Variants in CCDC187 observed in about 807,000 individuals in gnomAD.
CCDC187 encodes coiled-coil domain containing 187.
In CCDC187, 32 loss-of-function variants were observed where a neutral mutation model predicts 38.0. The observed-to-expected ratio is 0.84, with a 90% CI of 0.64 to 1.13. The LOEUF is 1.13. CCDC187 is among the 50% of genes most tolerant of loss of function. The pLI is 0.00. For synonymous variants in CCDC187, 333 were observed against 347.9 expected (o/e 0.96, Z 0.48); for missense variants, 707 against 786.8 (o/e 0.90, Z 1.21).
At chr9:136,270,057 A>G (rs1228785510) in intron 14 of CCDC187, among the ~76,000 whole-genome samples, 1 of 152,264 alleles carries the variant, frequency 6.6e-6, no homozygotes, top group Admixed American at 6.5e-5. Flanking sequence ...CAGAGAAGAA[A>G]AAAGAATAAA....
chr9:136,251,593 CT>C lies in CCDC187; in HGVS notation c.*2000del. Reference sequence around the variant, plus strand: ...ACCAGTCAGGCCCACCCCAGCTCTTCTTTTCCCCAGATGTTCTCTCTTCCTC... The same window carrying C: ...ACCAGTCAGGCCCACCCCAGCTCTTCTTTCCCCAGATGTTCTCTCTTCCTC... On this transcript the variant is annotated 3_prime_UTR_variant, in exon 26 of 26. Coordinates refer to ENST00000638797, the MANE Select transcript of CCDC187 (RefSeq NM_001378188.1). 1 of 158,138 alleles carries C rather than the reference CT, an allele frequency of 6.3e-6. No individual in the cohort carries two copies. The highest frequency in any genetic ancestry group is 1.4e-5 in the Non-Finnish European group (1 of 71,064). The allele number at this position is 158,138 out of a possible 1,614,324, so 9.8% of individuals were successfully genotyped here.
chr9:136,284,726 T>G (rs1831131571), intron 9 of CCDC187, among the ~76,000 whole-genome samples: 5 of 141,644 alleles, frequency 3.5e-5, no homozygotes, highest in East Asian at 2.3e-4. Flanking sequence ...GGGGGGCAGG[T>G]GTGGAGGGGG....
At chr9:136,305,112 C>T (rs1018791707), upstream of CCDC187, among the ~76,000 whole-genome samples, 30 of 152,322 alleles carry the variant, frequency 2.0e-4, 1 homozygote, top group African/African-American at 7.2e-4. Context: ...CCAGCAGCCT[C>T]GGAGGGGAGG....
chr9:136,259,128 G>T, intron 21 of CCDC187, 127 bp from the exon 22 acceptor site: 1 of 741,354 alleles, frequency 1.3e-6, no homozygotes. Context: ...AGCCGGGGGC[G>T]GACAGGGACA....
rs1179698261 is a variant in CCDC187, at chr9:136,264,824, CA to C, written c.3736-1027del. On this transcript the variant is annotated intron_variant, in intron 17 of 25. Transcript: ENST00000638797. This position sits in a 1 kb window ranked among gnomAD's most constrained non-coding sequence, Gnocchi z 4.3. ...AGGCTGGAGTGCAGTGGTGCAAGCT[CA>C]GCTCACTGCAGCCTTGACCTCCCAA... is the stretch of plus-strand genomic sequence containing the variant. Among the ~76,000 whole-genome samples, 3 of 151,978 alleles carry C rather than the reference CA, an allele frequency of 2.0e-5. No individual in the cohort carries two copies. Among genetic ancestry groups the C allele is most frequent in the South Asian group, 4.1e-4 (2 of 4,828 alleles).
At chr9:136,263,861 A>G in intron 17 of CCDC187, 63 bp from the exon 18 acceptor site, 1 of 971,240 alleles carries the variant, frequency 1.0e-6, no homozygotes, top group Non-Finnish European at 1.2e-6. Flanking sequence ...AAAGGCCAAC[A>G]AAAGGGAAGG....
intron 2 of CCDC187, among the ~76,000 whole-genome samples, 151 bp downstream of exon 2, chr9:136,302,661 C>A (rs1278530947): frequency 2.0e-5 from 3 of 152,190 alleles, no homozygotes; most frequent in African/African-American, 7.2e-5. Flanking sequence ...AGAAGCACCC[C>A]TTCATGACTC....
At chr9:136,272,822 C>T (rs1002263206) in intron 14 of CCDC187, among the ~76,000 whole-genome samples, 1 of 151,430 alleles carries the variant, frequency 6.6e-6, no homozygotes, top group Admixed American at 6.6e-5. Context: ...TGCAGTGAGC[C>T]GAGATCTCAC....
upstream of CCDC187, among the ~76,000 whole-genome samples, chr9:136,304,977 G>A (rs1831776875): frequency 3.3e-5 from 5 of 152,324 alleles, no homozygotes; most frequent in South Asian, 8.3e-4. Context: ...CCAGGCAAAC[G>A]CCTGGAGACA....
chr9:136,270,451 A>G (rs914771070), intron 14 of CCDC187, among the ~76,000 whole-genome samples: 6 of 152,222 alleles, frequency 3.9e-5, no homozygotes, highest in East Asian at 1.9e-4. Context: ...GGCAGCATAC[A>G]TCAGCGTTTT....
intron 14 of CCDC187, among the ~76,000 whole-genome samples, chr9:136,272,537 T>C (rs1197857348): frequency 1.3e-5 from 2 of 152,004 alleles, no homozygotes; most frequent in Non-Finnish European, 2.9e-5. Context: ...ACCCCGTCTC[T>C]ACTAAAAATA....
chr9:136,306,721 TG>T, upstream of CCDC187: 1 of 152,848 alleles, frequency 6.5e-6, no homozygotes, highest in Non-Finnish European at 1.5e-5. Context: ...AGCAGCCACC[TG>T]GGGTCCCAGC....
At chr9:136,290,233 C>T (rs1296223067) in intron 6 of CCDC187, among the ~76,000 whole-genome samples, 180 bp from the exon 7 acceptor site, 2 of 152,086 alleles carry the variant, frequency 1.3e-5, no homozygotes, top group African/African-American at 4.8e-5. Flanking sequence ...CCTCCGGAGC[C>T]CCGTTGCACC....
intron 9 of CCDC187, among the ~76,000 whole-genome samples, chr9:136,282,054 AC>A (rs1831058156): frequency 6.6e-6 from 1 of 152,072 alleles, no homozygotes; most frequent in African/African-American, 2.4e-5. Context: ...TTCCGTGGCC[AC>A]CGTTGGTCCC....
At chr9:136,285,437 AGGTGGGC>A in intron 9 of CCDC187, 69 bp downstream of exon 9, 3 of 31,252 alleles carry the variant, frequency 9.6e-5, no homozygotes, top group Non-Finnish European at 2.0e-4. Flanking sequence ...GCAGGTGGGC[AGGTGGGC>A]AGGTGGGCAG....
intron 12 of CCDC187, among the ~76,000 whole-genome samples, chr9:136,275,519 T>C (rs1415196365): frequency 6.6e-6 from 1 of 152,014 alleles, no homozygotes; most frequent in African/African-American, 2.4e-5. Context: ...TCCATCACTC[T>C]CCTGGAGATG....
chr9:136,254,777 C>T lies in CCDC187; in HGVS notation c.5051G>A (p.Arg1684Gln), dbSNP rs1830592818. Reference protein sequence around the residue: ...SGEAGLPLSWRSNQGEPRPGS... With the variant: ...SGEAGLPLSWQSNQGEPRPGS... ...TGGCCGAGGCTCACCCTGGTTTGAC[C>T]GCCAGGACAAAGGCAGGCCAGCTTC... The change falls in exon 26 of 26, where the codon CGG becomes CAG. Residue 1684 changes from arginine (R) to glutamine (Q), a missense_variant. Coordinates refer to ENST00000638797, the MANE Select transcript of CCDC187 (RefSeq NM_001378188.1). 24 of 985,432 alleles carry T rather than the reference C, an allele frequency of 2.4e-5. 1 individual carries two copies. The South Asian group carries it at 8.5e-4, about 35-fold the overall frequency. 61.0% of individuals were successfully genotyped at this position (985,432 alleles called of 1,614,324 possible). A position where few individuals can be genotyped will look rare whatever the true frequency, so the allele number is the denominator to read the frequency against.
Position 136,251,969 on chromosome 9 carries a change from G to C in CCDC187, c.*1625C>G, listed in dbSNP as rs1323410974. On this transcript the variant is annotated 3_prime_UTR_variant, in exon 26 of 26. Coordinates refer to ENST00000638797, the MANE Select transcript of CCDC187 (RefSeq NM_001378188.1). ...CCCAGTCCACCCCGGGAAGGTCCAG[G>C]CGACCGTCCCGCGGAGCCGGCCGCC... is the stretch of plus-strand genomic sequence containing the variant. The C allele has an allele frequency of 9.5e-6, 1 of 105,776 alleles. No individual in the cohort carries two copies. The highest frequency in any genetic ancestry group is 2.3e-5 in the Non-Finnish European group (1 of 43,744). The allele number at this position is 105,776 out of a possible 1,614,324, so 6.6% of individuals were successfully genotyped here.
intron 6 of CCDC187, 94 bp downstream of exon 6, chr9:136,290,392 T>TGGA (rs1206103644): frequency 8.0e-5 from 32 of 397,814 alleles, no homozygotes; most frequent in Middle Eastern, 6.2e-4. Context: ...GGCCACTCCC[T>TGGA]GGAGGACACC....
Sources: allele counts gnomAD v4.1 joint callset (sites outside exome capture counted in the v4.1 genomes callset), GRCh38; gene constraint gnomAD v4.1.1; non-coding constraint Gnocchi (gnomAD v3.1); transcripts MANE v1.5; gene names NCBI Gene and HGNC (gene_info 2026-07-23, HGNC 2026-07-21).